Variants in EXOC4 observed in about 807,000 individuals in gnomAD.
EXOC4 encodes the protein SEC8-like 1.
EXOC4 carries 71 observed loss-of-function variants against 107.2 expected under a neutral mutation model. The ratio of observed to expected loss-of-function variants is 0.66; its 90% CI spans 0.55 to 0.81. The LOEUF (loss-of-function observed/expected upper bound fraction) is 0.81, where lower values mean the gene tolerates loss of function less well. EXOC4 is among the 30% of genes least tolerant of loss of function. EXOC4 has a pLI of 0.00. For missense variants in EXOC4, 1,108 were observed against 1,189.6 expected (o/e 0.93, Z 1.01); for synonymous variants, 456 against 441.2 (o/e 1.03, Z -0.42).
At chr7:133,834,795 T>C (rs1585185797) in intron 11 of EXOC4, among the ~76,000 whole-genome samples, 1 of 152,334 alleles carries the variant, frequency 6.6e-6, no homozygotes, top group East Asian at 1.9e-4. Flanking sequence ...GTGAATGATA[T>C]AGTTTGGCCG....
intron 13 of EXOC4, among the ~76,000 whole-genome samples, chr7:133,932,865 G>T (rs1020903205): frequency 1.3e-5 from 2 of 151,968 alleles, no homozygotes; most frequent in Non-Finnish European, 2.9e-5. Context: ...TCAGGTCTGG[G>T]CTCAGCAATA....
intron 10 of EXOC4, among the ~76,000 whole-genome samples, chr7:133,690,394 A>C (rs1470666229): frequency 6.6e-6 from 1 of 152,194 alleles, no homozygotes; most frequent in African/African-American, 2.4e-5. Flanking sequence ...GCAGCAGCTA[A>C]AAATGTGCCT....
At chr7:133,505,438 C>G (rs1273101280) in intron 9 of EXOC4, among the ~76,000 whole-genome samples, 1 of 151,994 alleles carries the variant, frequency 6.6e-6, no homozygotes, top group Non-Finnish European at 1.5e-5. Flanking sequence ...ATGATTTTTG[C>G]AGCCTCTATG....
At chr7:133,613,126 T>C (rs1474596358) in intron 9 of EXOC4, among the ~76,000 whole-genome samples, 1 of 152,186 alleles carries the variant, frequency 6.6e-6, no homozygotes, top group African/African-American at 2.4e-5. Context: ...GCACAAACTA[T>C]ATATTGATAT....
chr7:133,933,861 T>A (rs908865390), intron 13 of EXOC4, among the ~76,000 whole-genome samples: 8 of 152,330 alleles, frequency 5.3e-5, no homozygotes, highest in Non-Finnish European at 1.0e-4. Context: ...TGGTGAGACG[T>A]TCCGTTTTTC....
At chr7:133,953,241 A>G (rs906926652) in intron 14 of EXOC4, among the ~76,000 whole-genome samples, 82 of 152,158 alleles carry the variant, frequency 5.4e-4, no homozygotes, top group African/African-American at 2.0e-3. Flanking sequence ...TGAGGTCAAG[A>G]GTTTGCTGCC....
chr7:133,629,276 TA>T (rs1802529315), intron 9 of EXOC4, among the ~76,000 whole-genome samples: 1 of 152,122 alleles, frequency 6.6e-6, no homozygotes, highest in Non-Finnish European at 1.5e-5. Flanking sequence ...TTAGATATGA[TA>T]AAGTGTGATC....
At chr7:133,362,975 C>G (rs1796167319) in intron 6 of EXOC4, among the ~76,000 whole-genome samples, 1 of 152,094 alleles carries the variant, frequency 6.6e-6, no homozygotes, top group Non-Finnish European at 1.5e-5. Context: ...ATAGCCATTC[C>G]CAGGCACCGC....
chr7:133,904,340 A>G (rs1252905007), intron 12 of EXOC4, among the ~76,000 whole-genome samples: 2 of 152,168 alleles, frequency 1.3e-5, no homozygotes, highest in African/African-American at 2.4e-5. Context: ...AGGCGGGAAC[A>G]TGGATAGTTT....
chr7:133,352,602 C>G (rs117395108), intron 5 of EXOC4, among the ~76,000 whole-genome samples: 1,730 of 152,124 alleles, frequency 0.011, 18 homozygotes, highest in Non-Finnish European at 0.02. Flanking sequence ...CTACCAGTCT[C>G]TGTCTTTTGG....
chr7:133,467,090 G>A lies in EXOC4; in HGVS notation c.1183-8238G>A, dbSNP rs143458100. Among the ~76,000 whole-genome samples, 74 of 152,048 alleles carry A rather than the reference G, an allele frequency of 4.9e-4. 1 individual carries two copies. In the East Asian group the frequency reaches 0.012, roughly 25 times the overall value. On this transcript the variant is annotated intron_variant, in intron 7 of 17. Coordinates refer to ENST00000253861, the MANE Select transcript of EXOC4 (RefSeq NM_021807.4). ...CATTATGTATTTCAAGTTCACGGGC[G>A]TATATTCCAAACAAAATTTATTGTC... is the stretch of plus-strand genomic sequence containing the variant.
intron 17 of EXOC4, among the ~76,000 whole-genome samples, chr7:134,041,581 C>T (rs1051195624): frequency 6.6e-6 from 1 of 152,072 alleles, no homozygotes; most frequent in African/African-American, 2.4e-5. Context: ...TTAATATATG[C>T]TTTCCAGATC....
chr7:133,975,174 TGAA>T (rs1220880980), intron 14 of EXOC4, among the ~76,000 whole-genome samples: 1 of 152,108 alleles, frequency 6.6e-6, no homozygotes, highest in Non-Finnish European at 1.5e-5. Flanking sequence ...TTAAAATAAG[TGAA>T]GAAGGAAGAA....
chr7:133,353,280 G>T (rs1032098188), intron 5 of EXOC4, among the ~76,000 whole-genome samples: 6 of 151,908 alleles, frequency 3.9e-5, no homozygotes, highest in Non-Finnish European at 8.8e-5. Context: ...TCATTTTAAC[G>T]TGCAGGACTT....
intron 9 of EXOC4, among the ~76,000 whole-genome samples, chr7:133,490,203 C>T (rs192289758): frequency 3.3e-4 from 50 of 152,244 alleles, no homozygotes; most frequent in African/African-American, 1.1e-3. Flanking sequence ...CCAGAGTCAC[C>T]GCATCATCCC....
chr7:134,057,945 A>T (rs966756138), intron 17 of EXOC4, among the ~76,000 whole-genome samples: 2 of 152,224 alleles, frequency 1.3e-5, no homozygotes, highest in Non-Finnish European at 2.9e-5. Context: ...CCAGAATCTG[A>T]GTTTAGTTGA....
At chr7:133,825,765 A>G (rs1387299819) in intron 11 of EXOC4, among the ~76,000 whole-genome samples, 1 of 152,200 alleles carries the variant, frequency 6.6e-6, no homozygotes, top group East Asian at 1.9e-4. Flanking sequence ...TTATTAGTGT[A>G]AATAGATTAG....
At chr7:133,859,806 G>A (rs985123246) in intron 11 of EXOC4, among the ~76,000 whole-genome samples, 8 of 152,162 alleles carry the variant, frequency 5.3e-5, no homozygotes, top group African/African-American at 1.9e-4. Context: ...TCAATGTACA[G>A]AATGGTGAAG....
chr7:133,597,768 T>A (rs1801715749), intron 9 of EXOC4, among the ~76,000 whole-genome samples: 1 of 151,982 alleles, frequency 6.6e-6, no homozygotes. Context: ...CCCAGCACTT[T>A]GGGAGGCTGA....
Sources: allele counts gnomAD v4.1 joint callset (sites outside exome capture counted in the v4.1 genomes callset), GRCh38; gene constraint gnomAD v4.1.1; transcripts MANE v1.5; gene names NCBI Gene and HGNC (gene_info 2026-07-23, HGNC 2026-07-21).